The following PRKAR1B variants were observed in gnomAD, a reference collection of about 807,000 sequenced individuals.
PRKAR1B encodes the protein protein kinase cAMP-dependent type I regulatory subunit beta, also known as cAMP-dependent protein kinase type I-beta regulatory subunit.
PRKAR1B carries 22 observed loss-of-function variants against 46.5 expected under a neutral mutation model. The observed-to-expected ratio is 0.47, with a 90% CI of 0.34 to 0.68. The LOEUF (loss-of-function observed/expected upper bound fraction) is 0.68, where lower values mean the gene tolerates loss of function less well. Among genes scored for constraint, PRKAR1B ranks in the 30% least tolerant of loss-of-function variants. The pLI is 0.01. For missense variants in PRKAR1B, 445 were observed against 535.6 expected, an observed-to-expected ratio of 0.83 and a Z score of 1.67; for synonymous variants, 259 against 217.7, an observed-to-expected ratio of 1.19 and a Z score of -1.67.
At chr7:577,465 C>G (rs964068680) in intron 9 of PRKAR1B, among the ~76,000 whole-genome samples, 1 of 149,312 alleles carries the variant, frequency 6.7e-6, no homozygotes, top group Non-Finnish European at 1.5e-5. Context: ...CCTTGAGGGC[C>G]GGAGACATGG....
chr7:618,806 C>T (rs1782966652), intron 4 of PRKAR1B, among the ~76,000 whole-genome samples: 1 of 152,194 alleles, frequency 6.6e-6, no homozygotes, highest in South Asian at 2.1e-4. Flanking sequence ...GTTTTAGATA[C>T]CGGTTGCTTG....
chr7:718,288 ACACAC>A (rs1780951587), intron 1 of PRKAR1B, among the ~76,000 whole-genome samples: 1 of 148,876 alleles, frequency 6.7e-6, no homozygotes, highest in African/African-American at 2.5e-5. Context: ...ACACACACAC[ACACAC>A]ACATACACAT....
intron 1 of PRKAR1B, chr7:712,663 C>G (rs1206209744): frequency 1.5e-5 from 2 of 129,832 alleles, no homozygotes; most frequent in Non-Finnish European, 3.4e-5. Flanking sequence ...CCCGCCCCAT[C>G]CCCCACCGGC....
chr7:583,408 GCACACCCACGCACACACGCA>G (rs1370317322), intron 8 of PRKAR1B, among the ~76,000 whole-genome samples: 3 of 58,202 alleles, frequency 5.2e-5, no homozygotes, highest in Admixed American at 3.0e-4. Flanking sequence ...CCACACGTGT[GCACACCCACGCACACACGCA>G]CACACCCACA....
chr7:596,267 T>G lies in PRKAR1B; in HGVS notation c.587A>C (p.Glu196Ala). 1 of 1,613,864 alleles carries G rather than the reference T, an allele frequency of 6.2e-7. No homozygotes were observed. Among genetic ancestry groups the G allele is most frequent in the Non-Finnish European group, 8.5e-7 (1 of 1,179,870 alleles). Residue 196 changes from glutamate to alanine, a missense_variant, in exon 7 of 11, where the codon GAG (glutamate) becomes GCG (alanine). Physicochemically the swap from Glu to Ala is moderately radical, Grantham distance 107. Coordinates refer to ENST00000537384, the MANE Select transcript of PRKAR1B (RefSeq NM_001164760.2). ...CGCCAGCTCCCCGAAGCTGCCTCCC[T>G]CGCTGATGTTGGTCACCCACTCTCC... ...VNGEWVTNISEGGSFGELALI... is the reference protein window; with the variant it reads ...VNGEWVTNISAGGSFGELALI...
intron 4 of PRKAR1B, 38 bp from the exon 5 acceptor site, chr7:607,490 G>C: frequency 6.4e-7 from 1 of 1,569,172 alleles, no homozygotes; most frequent in Non-Finnish European, 8.8e-7. Flanking sequence ...GCTGCAGGCA[G>C]CACAGGGACA....
intron 4 of PRKAR1B, among the ~76,000 whole-genome samples, chr7:640,403 AACGACTGGCTAAGAAAC>A (rs555582582): frequency 5.3e-4 from 80 of 151,344 alleles, no homozygotes; most frequent in African/African-American, 1.9e-3. Context: ...AAAGAAGTTA[AACGACTGGCTAAGAAAC>A]ACCTGAAAAG....
intron 6 of PRKAR1B, among the ~76,000 whole-genome samples, chr7:604,324 C>T (rs557824316): frequency 4.6e-4 from 70 of 152,346 alleles, no homozygotes; most frequent in African/African-American, 9.1e-4. Context: ...AGGGTTGACC[C>T]GCCAGTGCCG....
chr7:720,849 G>A lies in PRKAR1B; in HGVS notation c.-23+6361C>T, dbSNP rs148173510. ...GCCTATGTTATTATGTTTGAAGTGA[G>A]CTTCAGCATATAGTAGACATCATAC... On this transcript the variant is annotated intron_variant, in intron 1 of 10. Coordinates refer to ENST00000537384, the MANE Select transcript of PRKAR1B (RefSeq NM_001164760.2). 1.7e-3 allele frequency among the ~76,000 whole-genome samples: 264 copies of A among 152,288 alleles called. 5 individuals carry two copies. The highest frequency in any genetic ancestry group is 0.016 in the Admixed American group (243 of 15,298).
intron 2 of PRKAR1B, among the ~76,000 whole-genome samples, chr7:698,799 T>C (rs1190766938): frequency 2.0e-5 from 3 of 151,872 alleles, no homozygotes; most frequent in Non-Finnish European, 4.4e-5. Flanking sequence ...TCCTTGCCTG[T>C]GTGTGCATGT....
chr7:594,381 G>C (rs1395903368), intron 7 of PRKAR1B, among the ~76,000 whole-genome samples: 1 of 152,138 alleles, frequency 6.6e-6, no homozygotes, highest in Non-Finnish European at 1.5e-5. Context: ...CGGGACCCCA[G>C]GCCCCGAAGG....
intron 4 of PRKAR1B, among the ~76,000 whole-genome samples, chr7:613,657 G>A (rs1782648737): frequency 6.6e-6 from 1 of 152,208 alleles, no homozygotes. Context: ...GCAGAGACAG[G>A]TCCAGCTCCC....
At chr7:641,398 A>G (rs946256935) in intron 4 of PRKAR1B, among the ~76,000 whole-genome samples, 2 of 152,232 alleles carry the variant, frequency 1.3e-5, no homozygotes, top group African/African-American at 4.8e-5. Context: ...AACAGAAAAC[A>G]ACACAAATGA....
rs921162334 is a variant in PRKAR1B, at chr7:642,553, G to A, written c.440+34676C>T. Among the ~76,000 whole-genome samples the A allele has an allele frequency of 1.7e-3, 255 of 151,916 alleles. 2 individuals carry two copies. Among genetic ancestry groups the A allele is most frequent in the African/African-American group, 5.5e-3 (227 of 41,424 alleles). ...ATCCCGGCTAAAACGGTGAAACCCC[G>A]TCTCTACTAAAAATACAAAAAATTA... On this transcript the variant is annotated intron_variant, in intron 4 of 10. Coordinates refer to ENST00000537384, the MANE Select transcript of PRKAR1B (RefSeq NM_001164760.2).
At position 560,785 on chromosome 7, in the gene PRKAR1B, C is replaced by T. The variant is rs955528302; in HGVS notation, c.892-9315G>A. 5.9e-5 allele frequency among the ~76,000 whole-genome samples: 9 copies of T among 152,210 alleles called. No homozygotes were observed. The highest frequency in any genetic ancestry group is 9.7e-5 in the African/African-American group (4 of 41,438). On this transcript the variant is annotated intron_variant, in intron 9 of 10. Transcript: ENST00000537384. The surrounding 1 kb of genome is among the most constrained non-coding windows in gnomAD (Gnocchi z 4.2). ...TACCCCAGCTCCAGGAGTTCCAGCA[C>T]GTCAAACGGGACAGTCATCATGAGG...
At chr7:664,854 C>T (rs1304433299) in intron 4 of PRKAR1B, among the ~76,000 whole-genome samples, 1 of 152,156 alleles carries the variant, frequency 6.6e-6, no homozygotes, top group East Asian at 1.9e-4. Context: ...GTCGAGGCTG[C>T]AGTGAGCCAA....
chr7:722,224 C>T (rs1781100381), intron 1 of PRKAR1B, among the ~76,000 whole-genome samples: 1 of 151,508 alleles, frequency 6.6e-6, no homozygotes, highest in Non-Finnish European at 1.5e-5. Context: ...CCTCAGCCTC[C>T]CCGAGTAGCT....
chr7:553,420 C>T (rs550596924), intron 9 of PRKAR1B, among the ~76,000 whole-genome samples: 240 of 152,338 alleles, frequency 1.6e-3, no homozygotes, highest in Non-Finnish European at 2.8e-3. Flanking sequence ...CCGCGTCTGC[C>T]GCAGAAGTGC....
intron 4 of PRKAR1B, among the ~76,000 whole-genome samples, chr7:655,025 G>A (rs1181829253): frequency 6.6e-6 from 1 of 152,208 alleles, no homozygotes; most frequent in African/African-American, 2.4e-5. Flanking sequence ...ACCACTGCCA[G>A]TGGTACTGCC....
Sources: gnomAD v4.1 joint callset for allele counts (sites outside exome capture counted in the v4.1 genomes callset) on GRCh38, gnomAD v4.1.1 for gene constraint, Gnocchi (gnomAD v3.1) non-coding constraint, MANE v1.5 for transcripts, NCBI Gene and HGNC (gene_info 2026-07-23, HGNC 2026-07-21) for gene names.